The following FKBP11 variants were observed in gnomAD, a reference collection of about 807,000 sequenced individuals.
FKBP11 encodes the protein peptidyl-prolyl cis-trans isomerase FKBP11.
FKBP11 carries 21 observed loss-of-function variants against 24.7 expected under a neutral mutation model. The observed-to-expected ratio is 0.85, with a 90% CI of 0.60 to 1.23. The LOEUF is 1.23. Ranked by LOEUF, FKBP11 falls within the 50% of genes most tolerant of loss-of-function variation. The pLI, the probability that FKBP11 is intolerant of heterozygous loss-of-function variation, is 0.00. For missense variants in FKBP11, 245 were observed against 248.7 expected (o/e 0.99, Z 0.10); for synonymous variants, 106 against 100.6 (o/e 1.05, Z -0.32).
the FKBP11 span, among the ~76,000 whole-genome samples, chr12:48,934,248 A>G: frequency 6.6e-6 from 1 of 152,164 alleles, no homozygotes; most frequent in Admixed American, 6.5e-5. Flanking sequence ...ATACTCTGCA[A>G]TGAAGGGGAG....
Position 48,923,856 on chromosome 12 carries a change from AGGGAAG to A in FKBP11, c.318-10_318-5del. ...AATGATTGCCCTTCGCTTCTCTCTG[AGGGAAG>A]GAATGTCAGTCACAGCCAGAGGCAG... is the stretch of plus-strand genomic sequence containing the variant. On this transcript the variant is annotated splice_region_variant and splice_polypyrimidine_tract_variant and intron_variant, in intron 4 of 5. Transcript: ENST00000550765. 2 of 1,614,096 alleles carry A rather than the reference AGGGAAG, an allele frequency of 1.2e-6. No homozygotes were observed. The highest frequency in any genetic ancestry group is 1.7e-6 in the Non-Finnish European group (2 of 1,179,960).
chr12:48,928,483 T>G (rs1250936090), upstream of FKBP11, among the ~76,000 whole-genome samples: 1 of 152,006 alleles, frequency 6.6e-6, no homozygotes, highest in Non-Finnish European at 1.5e-5. Context: ...ATTTATTATT[T>G]GTCTATTTAT....
At chr12:48,937,338 C>A in the FKBP11 span, 1 of 152,374 alleles carries the variant, frequency 6.6e-6, no homozygotes. Flanking sequence ...TGTCTCGGAG[C>A]TCAGGGCGCA....
At chr12:48,937,515 C>T in the FKBP11 span, 1 of 152,536 alleles carries the variant, frequency 6.6e-6, no homozygotes, top group South Asian at 2.1e-4. Context: ...CTGAAGACCA[C>T]TGCATCCCAC....
At chr12:48,922,553 T>A (rs1565699670) in intron 5 of FKBP11, 1 of 1,016,638 alleles carries the variant, frequency 9.8e-7, no homozygotes, top group African/African-American at 1.7e-5. Context: ...ACCACACGGA[T>A]AGAGTCTTTG....
upstream of FKBP11, among the ~76,000 whole-genome samples, chr12:48,926,854 G>T (rs1939978507): frequency 6.6e-6 from 1 of 151,988 alleles, no homozygotes; most frequent in African/African-American, 2.4e-5. Flanking sequence ...TTGTCGCCCA[G>T]GCTGGAGTGC....
chr12:48,931,447 G>C (rs138979207), upstream of FKBP11: 705 of 1,536,090 alleles, frequency 4.6e-4, 6 homozygotes, highest in East Asian at 0.01. Flanking sequence ...GGAGGGACCA[G>C]AGAAGGAGCT....
Position 48,925,028 on chromosome 12 carries a change from G to GCC in FKBP11, c.195+16_195+17dup. On this transcript the variant is annotated intron_variant, in intron 2 of 5. Coordinates refer to ENST00000550765, the MANE Select transcript of FKBP11 (RefSeq NM_016594.3). ...CCGCCCCCTCCCAGGCCCCGCCCCG[G>GCC]CCCCCCAGACCCCTCACCGTGTAGT... 12 of 1,538,002 alleles carry GCC rather than the reference G, an allele frequency of 7.8e-6. No individual in the cohort carries two copies. Among genetic ancestry groups the GCC allele is most frequent in the African/African-American group, 1.4e-5 (1 of 73,282 alleles).
intron 5 of FKBP11, chr12:48,923,392 C>T: frequency 6.8e-7 from 1 of 1,468,990 alleles, no homozygotes; most frequent in South Asian, 1.4e-5. Context: ...TTTACTGTCT[C>T]TTCCCTGATG....
At chr12:48,931,007 T>C (rs1398082420), upstream of FKBP11, among the ~76,000 whole-genome samples, 1 of 151,640 alleles carries the variant, frequency 6.6e-6, no homozygotes, top group Non-Finnish European at 1.5e-5. Flanking sequence ...CGGGTACCTG[T>C]AGTCCCAGCT....
At position 48,925,346 on chromosome 12, in the gene FKBP11, C is replaced by A. The variant is rs746534787; in HGVS notation, c.83G>T (p.Gly28Val). ...CCGGACGGGACTTTCGGTTTCGAGC[C>A]CAGCCTCAGCCCGGCACACCGCCGC... ...LSAAVCRAEAGLETESPVRTL... is the reference protein window; with the variant it reads ...LSAAVCRAEAVLETESPVRTL... Residue 28 changes from glycine (G) to valine (V), a missense_variant, in exon 1 of 6, where the codon GGG becomes GTG. Physicochemically the swap from Gly to Val is moderately radical, Grantham distance 109. Transcript: ENST00000550765. 5 of 1,608,910 alleles carry A rather than the reference C, an allele frequency of 3.1e-6. No individual in the cohort carries two copies. The highest frequency in any genetic ancestry group is 3.4e-6 in the Non-Finnish European group (4 of 1,178,498).
At chr12:48,926,784 C>T (rs1202564854), upstream of FKBP11, among the ~76,000 whole-genome samples, 1 of 151,908 alleles carries the variant, frequency 6.6e-6, no homozygotes, top group African/African-American at 2.4e-5. Context: ...TGAGCCACCA[C>T]GCCCAGCCCA....
upstream of FKBP11, among the ~76,000 whole-genome samples, chr12:48,928,775 G>A (rs1170545569): frequency 2.7e-5 from 4 of 149,264 alleles, no homozygotes; most frequent in African/African-American, 9.8e-5. Context: ...CACCATGCAC[G>A]GCCCCCAGAC....
At chr12:48,929,717 G>A (rs1401634317), upstream of FKBP11, among the ~76,000 whole-genome samples, 1 of 152,128 alleles carries the variant, frequency 6.6e-6, no homozygotes, top group African/African-American at 2.4e-5. Flanking sequence ...AATCTTCATT[G>A]CTAGTATAGT....
chr12:48,924,069 T>G (rs2293448), intron 4 of FKBP11, 154 bp downstream of exon 4: 6 of 951,708 alleles, frequency 6.3e-6, no homozygotes, highest in African/African-American at 4.9e-5. Context: ...CACAGAGGCT[T>G]TGAATGCCCT....
At chr12:48,931,026 G>A (rs1159418583), upstream of FKBP11, among the ~76,000 whole-genome samples, 2 of 150,936 alleles carry the variant, frequency 1.3e-5, no homozygotes, top group Non-Finnish European at 2.9e-5. Flanking sequence ...CTACTCGGGA[G>A]GCTGAGGCAG....
At chr12:48,928,438 G>A (rs1940008507), upstream of FKBP11, among the ~76,000 whole-genome samples, 1 of 151,612 alleles carries the variant, frequency 6.6e-6, no homozygotes, top group South Asian at 2.1e-4. Context: ...TCCGCCTCCT[G>A]AGTTCAAGCG....
chr12:48,924,957 C>A, intron 2 of FKBP11, 89 bp downstream of exon 2: 1 of 1,486,030 alleles, frequency 6.7e-7, no homozygotes, highest in South Asian at 1.3e-5. Context: ...TCTCCCGAAC[C>A]GCTTGCCACG....
upstream of FKBP11, among the ~76,000 whole-genome samples, chr12:48,928,818 C>CTTTTTTTT (rs1196484675): frequency 0.01 from 970 of 94,226 alleles, 63 homozygotes; most frequent in African/African-American, 0.034. Context: ...AAACTTCTAT[C>CTTTTTTTT]TTTTTTTTTT....
Sources: allele counts gnomAD v4.1 joint callset (sites outside exome capture counted in the v4.1 genomes callset), GRCh38; gene constraint gnomAD v4.1.1; transcripts MANE v1.5; gene names NCBI Gene and HGNC (gene_info 2026-07-23, HGNC 2026-07-21).